DLC1: variants seen among roughly 807,000 people sequenced by gnomAD.
DLC1 encodes the protein DLC1 Rho GTPase activating protein.
DLC1 carries 54 observed loss-of-function variants against 140.3 expected under a neutral mutation model. The ratio of observed to expected loss-of-function variants is 0.38; its 90% CI spans 0.31 to 0.48. The LOEUF is 0.48. Among genes scored for constraint, DLC1 ranks in the 20% least tolerant of loss-of-function variants. The pLI is 0.96. For missense variants in DLC1, 2,536 were observed against 1,907.0 expected (o/e 1.33, Z -6.14); for synonymous variants, 986 against 728.1 (o/e 1.35, Z -5.70).
At chr8:13,294,420 G>A (rs1242779881) in intron 5 of DLC1, among the ~76,000 whole-genome samples, 1 of 152,186 alleles carries the variant, frequency 6.6e-6, no homozygotes, top group Non-Finnish European at 1.5e-5. Context: ...CAGACTTGAT[G>A]TGCTATAGTT....
chr8:13,364,797 AC>A (rs1424431156), intron 4 of DLC1, among the ~76,000 whole-genome samples: 1 of 152,220 alleles, frequency 6.6e-6, no homozygotes, highest in Non-Finnish European at 1.5e-5. Flanking sequence ...CTTAGTAAAA[AC>A]ATGTATATTT....
chr8:13,431,057 C>T (rs555916441), intron 2 of DLC1, among the ~76,000 whole-genome samples: 1 of 152,266 alleles, frequency 6.6e-6, no homozygotes, highest in East Asian at 1.9e-4. Flanking sequence ...GTTTATTAAG[C>T]TATGGCATGA....
intron 2 of DLC1, among the ~76,000 whole-genome samples, chr8:13,433,145 G>C (rs1838962543): frequency 6.6e-6 from 1 of 152,010 alleles, no homozygotes. Context: ...AAGAGAACAG[G>C]CATTCCTATT....
intron 5 of DLC1, among the ~76,000 whole-genome samples, chr8:13,151,326 T>A (rs904545537): frequency 4.6e-5 from 7 of 152,222 alleles, no homozygotes; most frequent in South Asian, 4.1e-4. Context: ...ACTTTTGAAG[T>A]GTTTTCAACT....
At chr8:13,143,235 C>A (rs1277268180) in intron 5 of DLC1, among the ~76,000 whole-genome samples, 2 of 152,102 alleles carry the variant, frequency 1.3e-5, no homozygotes, top group Non-Finnish European at 2.9e-5. Flanking sequence ...ACTAAACCAT[C>A]AATTAAATCT....
chr8:13,169,094 G>A (rs960017568), intron 5 of DLC1, among the ~76,000 whole-genome samples: 1 of 152,202 alleles, frequency 6.6e-6, no homozygotes, highest in African/African-American at 2.4e-5. Context: ...TTATGGATCA[G>A]AAGGAAATGT....
intron 4 of DLC1, among the ~76,000 whole-genome samples, chr8:13,319,481 G>A (rs112974647): frequency 4.3e-4 from 52 of 121,768 alleles, no homozygotes; most frequent in East Asian, 1.1e-3. Context: ...GGGCGGGGGG[G>A]GGGGGTGGAT....
intron 2 of DLC1, among the ~76,000 whole-genome samples, chr8:13,443,870 G>A (rs541597659): frequency 5.1e-4 from 77 of 152,044 alleles, no homozygotes; most frequent in Non-Finnish European, 8.8e-4. Context: ...TAAAACAAAC[G>A]TCACATGTTT....
intron 5 of DLC1, among the ~76,000 whole-genome samples, chr8:13,259,643 T>G (rs1411704083): frequency 6.6e-6 from 1 of 152,208 alleles, no homozygotes; most frequent in Non-Finnish European, 1.5e-5. Context: ...AATTGTAGGC[T>G]TGGTTCTTCT....
intron 1 of DLC1, among the ~76,000 whole-genome samples, chr8:13,571,722 TTAGAAG>T (rs777928632): frequency 1.3e-5 from 2 of 152,226 alleles, no homozygotes; most frequent in African/African-American, 2.4e-5. Context: ...GGGTCCATAC[TTAGAAG>T]TAGAATTGCT....
At chr8:13,156,865 T>C (rs994032293) in intron 5 of DLC1, among the ~76,000 whole-genome samples, 1 of 152,230 alleles carries the variant, frequency 6.6e-6, no homozygotes, top group African/African-American at 2.4e-5. Context: ...TTAAAGTCAA[T>C]GTATATTTTC....
rs191117748 is a variant in DLC1, at chr8:13,374,050, G to C, written c.1314+19503C>G. On this transcript the variant is annotated intron_variant, in intron 4 of 17. Coordinates refer to ENST00000276297, the MANE Select transcript of DLC1 (RefSeq NM_182643.3). ...GTGTGAATGAAGGACAAATTATAGG[G>C]ACTCATAATGTGATATTTTCTGCTT... is the stretch of plus-strand genomic sequence containing the variant. Among the ~76,000 whole-genome samples, 44 of 152,236 alleles carry C rather than the reference G, an allele frequency of 2.9e-4. 1 individual carries two copies. The East Asian group carries it at 7.4e-3, about 25-fold the overall frequency.
chr8:13,592,551 A>T (rs1805549968), intron 1 of DLC1, among the ~76,000 whole-genome samples: 2 of 152,076 alleles, frequency 1.3e-5, no homozygotes, highest in South Asian at 2.1e-4. Context: ...TTTTTTAAAA[A>T]ACTTTAGCTC....
At chr8:13,232,313 C>A (rs75672002) in intron 5 of DLC1, among the ~76,000 whole-genome samples, 1 of 151,982 alleles carries the variant, frequency 6.6e-6, no homozygotes, top group Non-Finnish European at 1.5e-5. Flanking sequence ...ACTTCCTTGC[C>A]ATTCCAACCT....
At chr8:13,152,654 A>G (rs1823909637) in intron 5 of DLC1, among the ~76,000 whole-genome samples, 1 of 151,900 alleles carries the variant, frequency 6.6e-6, no homozygotes, top group African/African-American at 2.4e-5. Context: ...TAATAATAAT[A>G]AAATTAGCCA....
rs562424053 is a variant in DLC1, at chr8:13,083,587, G to A, written c.*2224C>T. 1 of 152,672 alleles carries A rather than the reference G, an allele frequency of 6.5e-6. No individual in the cohort carries two copies. The highest frequency in any genetic ancestry group is 2.1e-4 in the South Asian group (1 of 4,814). The allele number at this position is 152,672 out of a possible 1,614,324, so 9.5% of individuals were successfully genotyped here. On this transcript the variant is annotated 3_prime_UTR_variant, in exon 18 of 18. Coordinates refer to ENST00000276297, the MANE Select transcript of DLC1 (RefSeq NM_182643.3). ...TTCTTCTCTTGTCAAATTAAACAGT[G>A]GGAAAGAGAACTTTTGTGGCATTCA...
At chr8:13,491,506 C>T (rs778956354) in intron 2 of DLC1, among the ~76,000 whole-genome samples, 10 of 152,250 alleles carry the variant, frequency 6.6e-5, no homozygotes, top group Admixed American at 2.6e-4. Flanking sequence ...ATAAAATATA[C>T]GTGAATGGAT....
rs561464376 is a variant in DLC1, at chr8:13,284,582, A to G, written c.1348+20687T>C. The stretch of plus-strand genomic sequence containing the variant: ...GATAACAATAGAAAGCCCTGAAATT[A>G]AAAACCAACAAACAGTTTAGAAGAA... On this transcript the variant is annotated intron_variant, in intron 5 of 17. Transcript: ENST00000276297. 4.8e-5 allele frequency among the ~76,000 whole-genome samples: 7 copies of G among 147,240 alleles called. 1 individual carries two copies. In the South Asian group the frequency reaches 6.5e-4, roughly 14 times the overall value.
intron 5 of DLC1, among the ~76,000 whole-genome samples, chr8:13,256,498 A>G (rs1212564955): frequency 6.6e-6 from 1 of 152,196 alleles, no homozygotes; most frequent in Non-Finnish European, 1.5e-5. Flanking sequence ...TAGACTGGAT[A>G]AAGAAAATGT....
Sources: gnomAD v4.1 joint callset for allele counts (sites outside exome capture counted in the v4.1 genomes callset) on GRCh38, gnomAD v4.1.1 for gene constraint, MANE v1.5 for transcripts, NCBI Gene and HGNC (gene_info 2026-07-23, HGNC 2026-07-21) for gene names.